NFKBIA: variants seen among roughly 807,000 people sequenced by gnomAD.
NFKBIA encodes NF-kappa-B inhibitor alpha.
In NFKBIA, 10 loss-of-function variants were observed where a neutral mutation model predicts 36.3. The ratio of observed to expected loss-of-function variants is 0.28; its 90% CI spans 0.17 to 0.47. The LOEUF (loss-of-function observed/expected upper bound fraction) is 0.47, where lower values mean the gene tolerates loss of function less well. Among genes scored for constraint, NFKBIA ranks in the 20% least tolerant of loss-of-function variants. The pLI is 0.99. For missense variants in NFKBIA, 355 were observed against 399.3 expected (o/e 0.89, Z 0.94); for synonymous variants, 205 against 164.4 (o/e 1.25, Z -1.89).
chr14:35,403,868 T>C (rs1201931018), intron 1 of NFKBIA, 70 bp from the exon 2 acceptor site: 3 of 1,119,762 alleles, frequency 2.7e-6, no homozygotes, highest in Non-Finnish European at 2.7e-6. Context: ...AGGCGCGGGC[T>C]GCGGGGGATT....
intron 1 of NFKBIA, chr14:35,404,077 A>C: frequency 2.3e-6 from 1 of 442,634 alleles, no homozygotes; most frequent in South Asian, 2.2e-5. Flanking sequence ...GGCGCCCGCC[A>C]GCGGCCAGAA....
Position 35,404,416 on chromosome 14 carries a change from A to G in NFKBIA, c.227+2T>C. 6.5e-7 allele frequency: 1 copy of G among 1,549,318 alleles called. No individual in the cohort carries two copies. Among genetic ancestry groups the G allele is most frequent in the Non-Finnish European group, 8.7e-7 (1 of 1,148,564 alleles). The stretch of plus-strand genomic sequence containing the variant: ...CCCCAGCCCCGGGCCTCCGCCACTT[A>G]CGAGTCCCCGTCCTCGGTGAGCTGC... On this transcript the variant is annotated splice_donor_variant, in intron 1 of 5. Coordinates refer to ENST00000216797, the MANE Select transcript of NFKBIA (RefSeq NM_020529.3). LOFTEE classifies it high-confidence loss of function.
intron 5 of NFKBIA, 40 bp downstream of exon 5, chr14:35,402,354 A>G: frequency 6.2e-7 from 1 of 1,612,586 alleles, no homozygotes; most frequent in African/African-American, 1.3e-5. Flanking sequence ...AGGGAATGGC[A>G]CCTCATTAGT....
In NFKBIA at chr14:35,401,700, T is replaced by G; in HGVS notation, c.*313A>C. On this transcript the variant is annotated 3_prime_UTR_variant, in exon 6 of 6. Coordinates refer to ENST00000216797, the MANE Select transcript of NFKBIA (RefSeq NM_020529.3). ...ACAGGATACCACTGGGGTCAGTCAC[T>G]CGAAGCACAATAAATATAAAATGTG... 6.5e-6 allele frequency: 3 copies of G among 464,488 alleles called. No individual in the cohort carries two copies. The highest frequency in any genetic ancestry group is 1.2e-5 in the Non-Finnish European group (3 of 256,736). 28.8% of individuals were successfully genotyped at this position (464,488 alleles called of 1,614,324 possible). A position where few individuals can be genotyped will look rare whatever the true frequency, so the allele number is the denominator to read the frequency against.
chr14:35,402,312 T>C, intron 5 of NFKBIA, 82 bp downstream of exon 5: 1 of 1,534,838 alleles, frequency 6.5e-7, no homozygotes, highest in Non-Finnish European at 9.0e-7. Context: ...ACCCCTCTGA[T>C]AAGGAGCAGC....
At position 35,401,677 on chromosome 14, in the gene NFKBIA, A is replaced by C. The variant is rs113277534; in HGVS notation, c.*336T>G. Reference sequence around the variant, plus strand: ...AACACTCCTGGCTGTTACATGTCACAGGATACCACTGGGGTCAGTCACTCG... The same window carrying C: ...AACACTCCTGGCTGTTACATGTCACCGGATACCACTGGGGTCAGTCACTCG... On this transcript the variant is annotated 3_prime_UTR_variant, in exon 6 of 6. Transcript: ENST00000216797. 6 of 424,906 alleles carry C rather than the reference A, an allele frequency of 1.4e-5. No individual in the cohort carries two copies. Among genetic ancestry groups the C allele is most frequent in the African/African-American group, 1.2e-4 (6 of 50,406 alleles). The allele number at this position is 424,906 out of a possible 1,614,324, so 26.3% of individuals were successfully genotyped here.
rs1425724989 is a variant in NFKBIA at position 35,402,379 on chromosome 14, A to AC, written c.906+14_906+15insG. ...ACCTCATTAGTTAGAGCGCCGAAGG[A>AC]GTTCACAGACTCACCTCGTCCTCTG... On this transcript the variant is annotated intron_variant, in intron 5 of 5. Coordinates refer to ENST00000216797, the MANE Select transcript of NFKBIA (RefSeq NM_020529.3). 6.2e-7 allele frequency: 1 copy of AC among 1,614,112 alleles called. No homozygotes were observed. Among genetic ancestry groups the AC allele is most frequent in the Admixed American group, 1.7e-5 (1 of 60,024 alleles).
intron 1 of NFKBIA, chr14:35,404,044 T>C (rs2052759918): frequency 1.9e-6 from 1 of 515,770 alleles, no homozygotes; most frequent in East Asian, 3.5e-5. Context: ...CGGAACGCCC[T>C]GTACTTCCCC....
Position 35,401,995 on chromosome 14 carries a change from C to T in NFKBIA, c.*18G>A, listed in dbSNP as rs9333352. On this transcript the variant is annotated 3_prime_UTR_variant, in exon 6 of 6. Transcript: ENST00000216797. ...TTGTACAAATATACAAGTCCATGTTCTTTCAGCCCCTTTGCGCTCATAACG... is the reference window on the plus strand; with the variant it reads ...TTGTACAAATATACAAGTCCATGTTTTTTCAGCCCCTTTGCGCTCATAACG... The T allele has an allele frequency of 2.5e-6, 4 of 1,613,140 alleles. No homozygotes were observed. Among genetic ancestry groups the T allele is most frequent in the South Asian group, 1.1e-5 (1 of 91,062 alleles).
At chr14:35,402,908 T>C in intron 3 of NFKBIA, 49 bp from the exon 4 acceptor site, 5 of 1,520,106 alleles carry the variant, frequency 3.3e-6, no homozygotes, top group Non-Finnish European at 4.6e-6. Context: ...CAACCCTCAC[T>C]CCTTTCACCT....
Position 35,402,535 on chromosome 14 carries a change from C to G in NFKBIA, c.765G>C (p.Gln255His), listed in dbSNP as rs2138830618. 1 of 1,614,214 alleles carries G rather than the reference C, an allele frequency of 6.2e-7. No individual in the cohort carries two copies. Among genetic ancestry groups the G allele is most frequent in the Non-Finnish European group, 8.5e-7 (1 of 1,180,046 alleles). The part of the protein sequence containing the change: ...RVTYQGYSPY[Q>H]LTWGRPSTRI... ...GGGTGCTTGGGCGGCCCCAGGTGAG[C>G]TGGTAGGGAGAATAGCCCTGGTAGG... is the stretch of plus-strand genomic sequence containing the variant. The change falls in exon 5 of 6, where the codon CAG (glutamine) becomes CAC (histidine). Residue 255 changes from glutamine to histidine, a missense_variant. Physicochemically the swap from Gln to His is conservative, Grantham distance 24 (BLOSUM62 0). Coordinates refer to ENST00000216797, the MANE Select transcript of NFKBIA (RefSeq NM_020529.3).
intron 2 of NFKBIA, 81 bp from the exon 3 acceptor site, chr14:35,403,441 G>C: frequency 1.4e-6 from 2 of 1,469,088 alleles, no homozygotes. Flanking sequence ...GTGTCTCCTG[G>C]TTGGGTGCTG....
rs1248522069 is a variant in NFKBIA at position 35,403,226 on chromosome 14, C to T, written c.471G>A (p.Leu157=). The change falls in exon 3 of 6, where the codon CTG becomes CTA. Residue 157 remains leucine (L), a synonymous_variant. Coordinates refer to ENST00000216797, the MANE Select transcript of NFKBIA (RefSeq NM_020529.3). ...PLHLACEQGC[L]ASVGVLTQSC... is the part of the protein sequence containing the mutation. ...ACTGAGTCAGGACTCCCACGCTGGC[C>T]AGGCAGCCCTGCTCACAGGCAAGGT... 4 of 1,612,924 alleles carry T rather than the reference C, an allele frequency of 2.5e-6. No individual in the cohort carries two copies. The Middle Eastern group carries it at 7.9e-4, about 318-fold the overall frequency.
chr14:35,402,946 C>T lies in NFKBIA; in HGVS notation c.548-87G>A, dbSNP rs554616394. On this transcript the variant is annotated intron_variant, in intron 3 of 5. Transcript: ENST00000216797. ...TCTTTTATGGAACAAGTAGTCTTATCTTCTGAATTTTAAGAACCCACAGTC... is the reference window on the plus strand; with the variant it reads ...TCTTTTATGGAACAAGTAGTCTTATTTTCTGAATTTTAAGAACCCACAGTC... 22 of 1,402,556 alleles carry T rather than the reference C, an allele frequency of 1.6e-5. No homozygotes were observed. The South Asian group carries it at 2.4e-4, about 15-fold the overall frequency. The allele number at this position is 1,402,556 out of a possible 1,614,324, so 86.9% of individuals were successfully genotyped here.
At chr14:35,404,351 T>TGC in intron 1 of NFKBIA, 67 bp downstream of exon 1, 326 of 1,049,520 alleles carry the variant, frequency 3.1e-4, no homozygotes, top group Middle Eastern at 3.2e-4. Flanking sequence ...GCCCGGCGCC[T>TGC]CCCACCCCCA....
In NFKBIA at chr14:35,402,821, G is replaced by A. The variant is rs768407309; in HGVS notation, c.586C>T (p.Leu196=). Residue 196 remains leucine (L), a synonymous_variant, in exon 4 of 6, where the codon CTG becomes TTG. Coordinates refer to ENST00000216797, the MANE Select transcript of NFKBIA (RefSeq NM_020529.3). ...CLHLASIHGY[L]GIVELLVSLG... is the part of the protein sequence containing the mutation. ...GACACCAAAAGCTCCACGATGCCCAGGTAGCCATGGATAGAGGCTAAGTGT... is the reference window on the plus strand; with the variant it reads ...GACACCAAAAGCTCCACGATGCCCAAGTAGCCATGGATAGAGGCTAAGTGT... 5.0e-6 allele frequency: 8 copies of A among 1,614,214 alleles called. No individual in the cohort carries two copies. The Admixed American group carries it at 1.0e-4, about 20-fold the overall frequency.
chr14:35,403,720 G>A lies in NFKBIA; in HGVS notation c.306C>T (p.Ala102=), dbSNP rs1050851. 0.2 allele frequency: 328,928 copies of A among 1,612,520 alleles called. 36,461 individuals are homozygous for A. The highest frequency in any genetic ancestry group is 0.23 in the Non-Finnish European group (270,912 of 1,178,778). ...EVIRQVKGDL[A]FLNFQNNLQQ... is the part of the protein sequence containing the mutation. ...GCAGGTTGTTCTGGAAGTTGAGGAA[G>A]GCCAGGTCTCCCTTCACCTGGCGGA... Residue 102 remains alanine (A), a synonymous_variant, in exon 2 of 6, where the codon GCC becomes GCT. Transcript: ENST00000216797.
rs959041359 is a variant in NFKBIA at position 35,402,192 on chromosome 14, C to T, written c.907-132G>A. ...CATAGCCCAAATATAATGAACTTTACAGGCTGAGAGAGTTTGCCTTTAATG... is the reference window on the plus strand; with the variant it reads ...CATAGCCCAAATATAATGAACTTTATAGGCTGAGAGAGTTTGCCTTTAATG... On this transcript the variant is annotated intron_variant, in intron 5 of 5. Coordinates refer to ENST00000216797, the MANE Select transcript of NFKBIA (RefSeq NM_020529.3). 5 of 1,048,802 alleles carry T rather than the reference C, an allele frequency of 4.8e-6. No homozygotes were observed. In the South Asian group the frequency reaches 6.5e-5, roughly 14 times the overall value. The allele number at this position is 1,048,802 out of a possible 1,614,324, so 65.0% of individuals were successfully genotyped here. A position where few individuals can be genotyped will look rare whatever the true frequency, so the allele number is the denominator to read the frequency against.
At position 35,401,932 on chromosome 14, in the gene NFKBIA, CTTCTT is replaced by C; in HGVS notation, c.*76_*80del. The C allele has an allele frequency of 9.3e-6, 12 of 1,294,522 alleles. No individual in the cohort carries two copies. In the South Asian group the frequency reaches 1.2e-4, roughly 13 times the overall value. 80.2% of individuals were successfully genotyped at this position (1,294,522 alleles called of 1,614,324 possible). A position where few individuals can be genotyped will look rare whatever the true frequency, so the allele number is the denominator to read the frequency against. ...TATAAGTACACCCTTTAAATTTTTTCTTCTTTTTTCTTTTTTTAGAAAAATAAAAC... is the reference window on the plus strand; with the variant it reads ...TATAAGTACACCCTTTAAATTTTTTCTTTTCTTTTTTTAGAAAAATAAAAC... On this transcript the variant is annotated 3_prime_UTR_variant, in exon 6 of 6. Transcript: ENST00000216797.
Sources: allele counts gnomAD v4.1 joint callset, GRCh38; gene constraint gnomAD v4.1.1; transcripts MANE v1.5; gene names NCBI Gene and HGNC (gene_info 2026-07-23, HGNC 2026-07-21).